Variants in TENM2 observed in about 807,000 individuals in gnomAD.
TENM2 encodes the protein teneurin transmembrane protein 2.
Under a neutral mutation model 245.2 loss-of-function variants are expected in TENM2, and 52 were observed. The observed-to-expected ratio is 0.21, with a 90% CI of 0.17 to 0.27. TENM2 has a LOEUF of 0.27. TENM2 is among the 10% of genes least tolerant of loss of function. The pLI is 1.00. For synonymous variants in TENM2, 1,363 were observed against 1,438.9 expected (o/e 0.95, Z 1.19); for missense variants, 3,046 against 3,666.8 (o/e 0.83, Z 4.37).
chr5:167,462,197 G>T, intron 2 of TENM2, among the ~76,000 whole-genome samples: 1 of 28,348 alleles, frequency 3.5e-5, no homozygotes, highest in African/African-American at 1.2e-4. Flanking sequence ...CCCCCCCATT[G>T]CAGGACATGC....
At chr5:167,345,274 A>G (rs1356117393) in intron 1 of TENM2, among the ~76,000 whole-genome samples, 1 of 152,222 alleles carries the variant, frequency 6.6e-6, no homozygotes, top group African/African-American at 2.4e-5. Flanking sequence ...CCATGCTTAC[A>G]GGTCCTCTCT....
the TENM2 span, among the ~76,000 whole-genome samples, chr5:167,123,341 A>G: frequency 2.1e-4 from 32 of 152,200 alleles, no homozygotes; most frequent in Non-Finnish European, 1.8e-4. Flanking sequence ...AAATAAACAA[A>G]CAAAAGAAAA....
Position 168,262,930 on chromosome 5 carries a change from G to C in TENM2, c.*120G>C, listed in dbSNP as rs771299140. Reference sequence around the variant, plus strand: ...CGGCTGGGCTGCTTTAGGAGACCAAGTGGCAAGAAAGCTCACATTTTTTGA... The same window carrying C: ...CGGCTGGGCTGCTTTAGGAGACCAACTGGCAAGAAAGCTCACATTTTTTGA... On this transcript the variant is annotated 3_prime_UTR_variant, in exon 29 of 29. Transcript: ENST00000518659. 3.5e-4 allele frequency: 332 copies of C among 936,244 alleles called. 1 individual carries two copies. Among genetic ancestry groups the C allele is most frequent in the Non-Finnish European group, 4.8e-4 (306 of 638,060 alleles). The allele number at this position is 936,244 out of a possible 1,614,324, so 58.0% of individuals were successfully genotyped here. A position where few individuals can be genotyped will look rare whatever the true frequency, so the allele number is the denominator to read the frequency against.
chr5:167,230,321 G>C, the TENM2 span, among the ~76,000 whole-genome samples: 7 of 152,104 alleles, frequency 4.6e-5, no homozygotes, highest in African/African-American at 1.7e-4. Flanking sequence ...CCTGCAATGG[G>C]GGCCTTTCCT....
At chr5:168,178,187 C>G (rs1759519827) in intron 13 of TENM2, among the ~76,000 whole-genome samples, 1 of 152,102 alleles carries the variant, frequency 6.6e-6, no homozygotes, top group African/African-American at 2.4e-5. Context: ...GGTGACAGCC[C>G]CTTTTCTTTC....
chr5:167,006,824 G>A, the TENM2 span, among the ~76,000 whole-genome samples: 2 of 151,874 alleles, frequency 1.3e-5, no homozygotes, highest in African/African-American at 2.4e-5. Context: ...GTGCCACCAC[G>A]CCTGGCTAAT....
At chr5:167,421,246 T>A (rs567750977) in intron 2 of TENM2, among the ~76,000 whole-genome samples, 2 of 152,206 alleles carry the variant, frequency 1.3e-5, no homozygotes, top group Non-Finnish European at 2.9e-5. Flanking sequence ...TCAGTGTTGT[T>A]TTTCTGACAA....
At chr5:168,039,315 T>G (rs574165434) in intron 5 of TENM2, among the ~76,000 whole-genome samples, 31 of 152,256 alleles carry the variant, frequency 2.0e-4, no homozygotes, top group African/African-American at 7.2e-4. Flanking sequence ...TTGCCGTTCT[T>G]TGAAGAAAGA....
intron 11 of TENM2, among the ~76,000 whole-genome samples, chr5:168,126,169 G>T (rs181942676): frequency 2.0e-5 from 3 of 152,160 alleles, no homozygotes; most frequent in African/African-American, 7.2e-5. Flanking sequence ...CATTATCACC[G>T]CCAAGGTACC....
At chr5:167,318,037 C>T (rs545640324) in intron 1 of TENM2, among the ~76,000 whole-genome samples, 7 of 152,142 alleles carry the variant, frequency 4.6e-5, no homozygotes, top group Middle Eastern at 3.2e-3. Context: ...AAAGTGGAAT[C>T]GGGCATGACA....
rs1022544728 is a variant in TENM2, at chr5:168,136,488, C to T, written c.2422+9522C>T. Among the ~76,000 whole-genome samples the T allele has an allele frequency of 7.9e-5, 12 of 152,350 alleles. No individual in the cohort carries two copies. In the South Asian group the frequency reaches 1.0e-3, roughly 13 times the overall value. ...GATCCATGCCAAGGTTGTGTTCCCC[C>T]GTGCCAGCAGCACCATTGGTGCTCA... On this transcript the variant is annotated intron_variant, in intron 12 of 28. Coordinates refer to ENST00000518659, the Ensembl canonical transcript of TENM2.
Position 167,293,540 on chromosome 5 carries a change from G to A in TENM2, c.226+8477G>A, listed in dbSNP as rs116482312. 7.2e-3 allele frequency among the ~76,000 whole-genome samples: 1,097 copies of A among 151,920 alleles called. 15 individuals carry two copies. The highest frequency in any genetic ancestry group is 0.025 in the African/African-American group (1,048 of 41,428). On this transcript the variant is annotated intron_variant, in intron 1 of 28. Transcript: ENST00000518659. ...TGGCCCCTGATTGTTGGCTTTTTAGGATACCTTAAAAGTGGAGGCAGATAT... is the reference window on the plus strand; with the variant it reads ...TGGCCCCTGATTGTTGGCTTTTTAGAATACCTTAAAAGTGGAGGCAGATAT...
intron 5 of TENM2, among the ~76,000 whole-genome samples, chr5:168,036,663 TA>T (rs1382251858): frequency 9.4e-6 from 1 of 106,686 alleles, no homozygotes; most frequent in African/African-American, 3.9e-5. Flanking sequence ...TATATATATA[TA>T]ATATATGTAT....
At chr5:167,184,476 G>A in the TENM2 span, among the ~76,000 whole-genome samples, 1 of 152,256 alleles carries the variant, frequency 6.6e-6, no homozygotes, top group South Asian at 2.1e-4. Context: ...TTGTTGGGGG[G>A]TGGAGGGAAG....
chr5:167,405,252 C>G (rs536699961), intron 2 of TENM2, among the ~76,000 whole-genome samples: 1 of 151,564 alleles, frequency 6.6e-6, no homozygotes, highest in Non-Finnish European at 1.5e-5. Flanking sequence ...TTCTTGGCAT[C>G]GTGTATGATT....
At chr5:168,158,907 A>G (rs935915369) in intron 12 of TENM2, among the ~76,000 whole-genome samples, 3 of 143,638 alleles carry the variant, frequency 2.1e-5, no homozygotes, top group Non-Finnish European at 4.5e-5. Context: ...ATACATGTAT[A>G]TATGTATATA....
At chr5:168,033,536 T>C (rs1787316227) in intron 5 of TENM2, among the ~76,000 whole-genome samples, 3 of 152,180 alleles carry the variant, frequency 2.0e-5, no homozygotes, top group Admixed American at 2.0e-4. Flanking sequence ...TTATCATTAT[T>C]ATTAGCCTGG....
chr5:168,071,072 G>A (rs1562121378), intron 7 of TENM2, among the ~76,000 whole-genome samples: 1 of 152,118 alleles, frequency 6.6e-6, no homozygotes, highest in Non-Finnish European at 1.5e-5. Flanking sequence ...GTGTAGACCA[G>A]TCCAAACTAT....
chr5:167,577,335 A>C (rs1370160000), intron 2 of TENM2, among the ~76,000 whole-genome samples: 1 of 152,168 alleles, frequency 6.6e-6, no homozygotes, highest in Non-Finnish European at 1.5e-5. Flanking sequence ...CGGTTTTCTT[A>C]CTTTAAGCCG....
Sources: gnomAD v4.1 joint callset for allele counts (sites outside exome capture counted in the v4.1 genomes callset) on GRCh38, gnomAD v4.1.1 for gene constraint, MANE v1.5 for transcripts, NCBI Gene and HGNC (gene_info 2026-07-23, HGNC 2026-07-21) for gene names.